SLC30A8: variants seen among roughly 807,000 people sequenced by gnomAD.
The protein encoded by SLC30A8 is solute carrier family 30 member 8.
A neutral mutation model predicts 36.9 loss-of-function variants in SLC30A8; 27 were observed. That is an observed-to-expected ratio of 0.73 (90% confidence interval 0.54 to 1.01). The LOEUF (loss-of-function observed/expected upper bound fraction) is 1.01. Among genes scored for constraint, SLC30A8 ranks in the 50% least tolerant of loss-of-function variants. SLC30A8 has a pLI of 0.00. For synonymous variants in SLC30A8, 164 were observed against 172.4 expected, an observed-to-expected ratio of 0.95 and a Z score of 0.38; for missense variants, 439 against 452.0, an observed-to-expected ratio of 0.97 and a Z score of 0.26.
At chr8:117,014,578 G>A (rs1048345693) in intron 1 of SLC30A8, among the ~76,000 whole-genome samples, 2 of 152,192 alleles carry the variant, frequency 1.3e-5, no homozygotes, top group African/African-American at 2.4e-5. Flanking sequence ...TAAATCAAGT[G>A]TGTGAGAGGA....
At position 117,172,859 on chromosome 8, in the gene SLC30A8, C is replaced by A; in HGVS notation, c.*178C>A. ...TGAAGGAAGAGGCACTGAGATCCATCAATCAATTGGATTATATACTGATCA... is the reference window on the plus strand; with the variant it reads ...TGAAGGAAGAGGCACTGAGATCCATAAATCAATTGGATTATATACTGATCA... On this transcript the variant is annotated 3_prime_UTR_variant, in exon 8 of 8. Coordinates refer to ENST00000456015, the MANE Select transcript of SLC30A8 (RefSeq NM_173851.3). 1.5e-6 allele frequency: 1 copy of A among 685,338 alleles called. No homozygotes were observed. Among genetic ancestry groups the A allele is most frequent in the Non-Finnish European group, 2.4e-6 (1 of 409,504 alleles). The allele number at this position is 685,338 out of a possible 1,614,324, so 42.5% of individuals were successfully genotyped here. A position where few individuals can be genotyped will look rare whatever the true frequency, so the allele number is the denominator to read the frequency against.
intron 2 of SLC30A8, among the ~76,000 whole-genome samples, chr8:117,110,372 A>T (rs1820174039): frequency 6.6e-6 from 1 of 152,156 alleles, no homozygotes; most frequent in Non-Finnish European, 1.5e-5. Flanking sequence ...TGTGGGTGTA[A>T]GTGCCAAGAA....
At chr8:117,011,118 C>T (rs953396659) in intron 1 of SLC30A8, among the ~76,000 whole-genome samples, 1 of 152,020 alleles carries the variant, frequency 6.6e-6, no homozygotes, top group Admixed American at 6.6e-5. Flanking sequence ...CCCGAGAGAA[C>T]GAGGGTAACT....
chr8:117,101,561 A>T (rs1161355574), intron 2 of SLC30A8, among the ~76,000 whole-genome samples: 1 of 152,212 alleles, frequency 6.6e-6, no homozygotes, highest in Non-Finnish European at 1.5e-5. Context: ...GTGCTTATCA[A>T]CTTGGTTGGA....
At chr8:116,951,565 T>C (rs942791050) in intron 1 of SLC30A8, among the ~76,000 whole-genome samples, 9 of 152,038 alleles carry the variant, frequency 5.9e-5, no homozygotes, top group African/African-American at 2.2e-4. Context: ...ACCACATGTA[T>C]CGTAATACCT....
intron 1 of SLC30A8, among the ~76,000 whole-genome samples, chr8:116,987,842 C>A (rs1485816849): frequency 6.6e-6 from 1 of 152,050 alleles, no homozygotes; most frequent in East Asian, 1.9e-4. Context: ...ATTACAGATG[C>A]GTGCCACCAC....
intron 1 of SLC30A8, among the ~76,000 whole-genome samples, chr8:117,010,938 A>G (rs879288281): frequency 5.3e-5 from 8 of 152,162 alleles, no homozygotes; most frequent in South Asian, 2.1e-4. Context: ...CCGTGATCCA[A>G]TCACCTTCCA....
intron 1 of SLC30A8, among the ~76,000 whole-genome samples, chr8:117,023,035 A>C (rs1174844750): frequency 1.3e-5 from 2 of 152,144 alleles, no homozygotes; most frequent in Admixed American, 6.5e-5. Context: ...TACAAGAAAA[A>C]AAACAACCCC....
At chr8:116,975,536 C>T (rs1388545436) in intron 1 of SLC30A8, among the ~76,000 whole-genome samples, 1 of 152,068 alleles carries the variant, frequency 6.6e-6, no homozygotes, top group African/African-American at 2.4e-5. Flanking sequence ...TTTTTAAGGC[C>T]TTGGCAATAT....
intron 1 of SLC30A8, among the ~76,000 whole-genome samples, chr8:116,953,429 A>G (rs1814070546): frequency 6.6e-6 from 1 of 152,184 alleles, no homozygotes; most frequent in African/African-American, 2.4e-5. Flanking sequence ...TGCTGAGTCA[A>G]GTAGTGGACT....
chr8:117,102,982 C>T (rs1033286121), intron 2 of SLC30A8, among the ~76,000 whole-genome samples: 1 of 152,074 alleles, frequency 6.6e-6, no homozygotes, highest in Non-Finnish European at 1.5e-5. Flanking sequence ...AATACATTCC[C>T]TCCATCCTAA....
chr8:117,002,791 G>A lies in SLC30A8; in HGVS notation c.-265-36428G>A, dbSNP rs544921322. Among the ~76,000 whole-genome samples, 3 of 152,226 alleles carry A rather than the reference G, an allele frequency of 2.0e-5. 1 individual carries two copies. In the South Asian group the frequency reaches 6.2e-4, roughly 32 times the overall value. ...AGCTAATTTTTGGATTTTTACTAGAGACGGGGTTTCACCGTGTTGGCCAGG... is the reference window on the plus strand; with the variant it reads ...AGCTAATTTTTGGATTTTTACTAGAAACGGGGTTTCACCGTGTTGGCCAGG... On this transcript the variant is annotated intron_variant, in intron 1 of 10. Transcript: ENST00000427715.
At chr8:117,072,252 T>C (rs1818355364) in intron 2 of SLC30A8, among the ~76,000 whole-genome samples, 1 of 152,194 alleles carries the variant, frequency 6.6e-6, no homozygotes, top group Admixed American at 6.6e-5. Context: ...TATCCACTGC[T>C]TAATCCCTCG....
chr8:116,979,162 C>T (rs908517645), intron 1 of SLC30A8, among the ~76,000 whole-genome samples: 1 of 144,816 alleles, frequency 6.9e-6, no homozygotes, highest in South Asian at 2.1e-4. Flanking sequence ...TGGCTCGAAC[C>T]TGGGAAGCGG....
intron 2 of SLC30A8, among the ~76,000 whole-genome samples, chr8:117,097,012 A>T (rs1461139862): frequency 2.6e-5 from 4 of 152,106 alleles, no homozygotes; most frequent in African/African-American, 9.7e-5. Context: ...GCAGAAAATA[A>T]ATGAATAGAG....
intron 2 of SLC30A8, among the ~76,000 whole-genome samples, chr8:117,106,894 C>G (rs940128696): frequency 2.6e-5 from 4 of 152,196 alleles, no homozygotes; most frequent in Admixed American, 6.5e-5. Context: ...GATGTTCTCT[C>G]TACCTGACCT....
At chr8:117,030,775 C>T (rs1022481217) in intron 1 of SLC30A8, among the ~76,000 whole-genome samples, 8 of 152,222 alleles carry the variant, frequency 5.3e-5, no homozygotes, top group East Asian at 1.9e-4. Context: ...GTAATATACT[C>T]GAATGATGTT....
At chr8:117,008,305 T>C (rs1361601606) in intron 1 of SLC30A8, among the ~76,000 whole-genome samples, 1 of 152,232 alleles carries the variant, frequency 6.6e-6, no homozygotes, top group East Asian at 1.9e-4. Flanking sequence ...CTTAGAAGTA[T>C]ATTTTTAACT....
At chr8:117,067,020 C>T (rs960577526) in intron 2 of SLC30A8, among the ~76,000 whole-genome samples, 2 of 152,090 alleles carry the variant, frequency 1.3e-5, no homozygotes, top group South Asian at 4.1e-4. Flanking sequence ...TCTCAAGAAA[C>T]TTACAATCAT....
Sources: allele counts gnomAD v4.1 joint callset (sites outside exome capture counted in the v4.1 genomes callset), GRCh38; gene constraint gnomAD v4.1.1; transcripts MANE v1.5; gene names NCBI Gene and HGNC (gene_info 2026-07-23, HGNC 2026-07-21).